The following TENM3 variants were observed in gnomAD, a reference collection of about 807,000 sequenced individuals.
The protein encoded by TENM3 is teneurin transmembrane protein 3.
Under a neutral mutation model 255.1 loss-of-function variants are expected in TENM3, and 63 were observed. The observed-to-expected ratio is 0.25, with a 90% confidence interval of 0.20 to 0.30. The LOEUF is 0.30. TENM3 is among the 10% of genes least tolerant of loss of function. The pLI, the probability that TENM3 is intolerant of heterozygous loss-of-function variation, is 1.00. For missense variants in TENM3, 2,929 were observed against 3,461.1 expected, an observed-to-expected ratio of 0.85 and a Z score of 3.86; for synonymous variants, 1,306 against 1,322.3, an observed-to-expected ratio of 0.99 and a Z score of 0.27.
the TENM3 span, among the ~76,000 whole-genome samples, chr4:181,608,754 T>A: frequency 6.6e-6 from 1 of 152,156 alleles, no homozygotes; most frequent in Non-Finnish European, 1.5e-5. Flanking sequence ...TTCAAGGGCT[T>A]TGCTTTTTAA....
the TENM3 span, among the ~76,000 whole-genome samples, chr4:181,471,478 G>A: frequency 1.3e-5 from 2 of 152,158 alleles, no homozygotes; most frequent in Non-Finnish European, 2.9e-5. Flanking sequence ...TTGTATGGGC[G>A]GCTGTGCTGG....
intron 2 of TENM3, among the ~76,000 whole-genome samples, chr4:182,328,512 G>A (rs933474995): frequency 6.6e-6 from 1 of 151,408 alleles, no homozygotes. Context: ...CACTGCACCC[G>A]GCCAGGACTC....
chr4:182,204,761 A>G (rs1188767259), intron 1 of TENM3, among the ~76,000 whole-genome samples: 1 of 152,230 alleles, frequency 6.6e-6, no homozygotes, highest in Non-Finnish European at 1.5e-5. Context: ...ATTTTCATGA[A>G]AAACAATGAA....
intron 4 of TENM3, among the ~76,000 whole-genome samples, chr4:182,602,305 G>A (rs2152415171): frequency 6.6e-6 from 1 of 152,302 alleles, no homozygotes; most frequent in East Asian, 1.9e-4. Context: ...AAAATAGAGA[G>A]CTCTTGACGC....
At chr4:182,464,497 TCCGCCCATCTCTG>T (rs1158208131) in intron 3 of TENM3, among the ~76,000 whole-genome samples, 1 of 152,172 alleles carries the variant, frequency 6.6e-6, no homozygotes, top group African/African-American at 2.4e-5. Flanking sequence ...CCTCAGGTGA[TCCGCCCATCTCTG>T]CCTCCCAAAG....
chr4:182,179,813 ATAT>A (rs1752734049), intron 1 of TENM3, among the ~76,000 whole-genome samples: 1 of 152,188 alleles, frequency 6.6e-6, no homozygotes, highest in African/African-American at 2.4e-5. Context: ...GTCAAATTTA[ATAT>A]TATGGTATAA....
At chr4:182,004,775 C>T in the TENM3 span, among the ~76,000 whole-genome samples, 324 of 152,210 alleles carry the variant, frequency 2.1e-3, 2 homozygotes, top group Middle Eastern at 0.01. Context: ...TTCTGACTGG[C>T]GTGAGATGGT....
the TENM3 span, among the ~76,000 whole-genome samples, chr4:182,094,370 C>T: frequency 1.3e-5 from 2 of 151,978 alleles, no homozygotes; most frequent in African/African-American, 2.4e-5. Flanking sequence ...CTCAGCCTCC[C>T]GAGTAGCTGG....
chr4:182,280,455 C>T (rs1760309617), intron 1 of TENM3, among the ~76,000 whole-genome samples: 1 of 152,186 alleles, frequency 6.6e-6, no homozygotes, highest in African/African-American at 2.4e-5. Flanking sequence ...GGAACATTGA[C>T]AGTTTATCTC....
chr4:182,664,913 G>T (rs116486904), intron 6 of TENM3, among the ~76,000 whole-genome samples: 2 of 152,336 alleles, frequency 1.3e-5, no homozygotes, highest in East Asian at 3.9e-4. Context: ...GAACGAACCC[G>T]TCTCTGCAAC....
the TENM3 span, among the ~76,000 whole-genome samples, chr4:181,481,705 T>G: frequency 1.3e-5 from 2 of 152,198 alleles, no homozygotes; most frequent in Non-Finnish European, 2.9e-5. Flanking sequence ...GGCCAGGACC[T>G]CAGGTCTATT....
intron 1 of TENM3, among the ~76,000 whole-genome samples, chr4:182,231,820 C>T (rs1278113716): frequency 6.6e-6 from 1 of 152,184 alleles, no homozygotes; most frequent in Non-Finnish European, 1.5e-5. Context: ...CAGCAGACTC[C>T]CAAAGAATTA....
At chr4:182,705,453 A>G (rs1292973141) in intron 12 of TENM3, among the ~76,000 whole-genome samples, 1 of 152,214 alleles carries the variant, frequency 6.6e-6, no homozygotes, top group Non-Finnish European at 1.5e-5. Context: ...AAAATATTAT[A>G]CGGTACTATT....
intron 1 of TENM3, among the ~76,000 whole-genome samples, chr4:182,161,952 T>TATATACACAC (rs1751366486): frequency 2.3e-4 from 3 of 13,260 alleles, no homozygotes; most frequent in Admixed American, 1.0e-3. Flanking sequence ...TATTTGTGTG[T>TATATACACAC]GTGTGTGTAT....
intron 4 of TENM3, among the ~76,000 whole-genome samples, chr4:182,613,458 CCTGT>C (rs1561003070): frequency 2.0e-5 from 3 of 152,104 alleles, no homozygotes; most frequent in South Asian, 2.1e-4. Context: ...TGGTTGTAGA[CCTGT>C]CTAAGTTAAA....
the TENM3 span, among the ~76,000 whole-genome samples, chr4:181,651,645 T>C: frequency 6.6e-6 from 1 of 151,632 alleles, no homozygotes; most frequent in Non-Finnish European, 1.5e-5. Context: ...ATACTAGGCA[T>C]AGAGAACTCT....
At chr4:182,379,134 T>C (rs1239629411) in intron 3 of TENM3, among the ~76,000 whole-genome samples, 5 of 152,102 alleles carry the variant, frequency 3.3e-5, no homozygotes, top group African/African-American at 1.2e-4. Context: ...TCCCAGCACT[T>C]TGGGAGGCCG....
At chr4:181,568,893 A>G in the TENM3 span, among the ~76,000 whole-genome samples, 1 of 152,214 alleles carries the variant, frequency 6.6e-6, no homozygotes, top group Non-Finnish European at 1.5e-5. Flanking sequence ...GATTAGAGGA[A>G]TGAGAGACTT....
intron 3 of TENM3, among the ~76,000 whole-genome samples, chr4:182,386,912 C>T (rs993005700): frequency 9.2e-5 from 14 of 152,242 alleles, no homozygotes; most frequent in Non-Finnish European, 1.3e-4. Context: ...GTCCCATCGA[C>T]CGCCCAAGGG....
Sources: gnomAD v4.1 joint callset for allele counts (sites outside exome capture counted in the v4.1 genomes callset) on GRCh38, gnomAD v4.1.1 for gene constraint, MANE v1.5 for transcripts, NCBI Gene and HGNC (gene_info 2026-07-23, HGNC 2026-07-21) for gene names.